PCDHGA2: variants seen among roughly 807,000 people sequenced by gnomAD.
PCDHGA2 encodes the protein protocadherin gamma-A2.
Under a neutral mutation model 59.2 loss-of-function variants are expected in PCDHGA2, and 40 were observed. The observed-to-expected ratio is 0.68, with a 90% CI of 0.52 to 0.88. PCDHGA2 has a LOEUF of 0.88. PCDHGA2 is among the 40% of genes least tolerant of loss of function. The probability of loss-of-function intolerance (pLI) is 0.00; values close to 1 mark genes in which losing one functional copy is unlikely to be tolerated. For synonymous variants in PCDHGA2, 560 were observed against 526.0 expected (o/e 1.06, Z -0.89); for missense variants, 1,226 against 1,204.0 (o/e 1.02, Z -0.27).
At position 141,476,097 on chromosome 5, in the gene PCDHGA2, A is replaced by G. The variant is rs1366023758; in HGVS notation, c.2425-18710A>G. 1 of 1,571,812 alleles carries G rather than the reference A, an allele frequency of 6.4e-7. No individual in the cohort carries two copies. Among genetic ancestry groups the G allele is most frequent in the African/African-American group, 1.4e-5 (1 of 73,826 alleles). ...CAGGGACGATCTGGACCCCGCTGAG[A>G]GGAACTGCTTTTGAGTGAGATGGTC... On this transcript the variant is annotated intron_variant, in intron 1 of 3. Coordinates refer to ENST00000394576, the MANE Select transcript of PCDHGA2 (RefSeq NM_018915.4). The surrounding 1 kb of genome is among the most constrained non-coding windows in gnomAD (Gnocchi z 7.6).
chr5:141,366,652 C>G lies in PCDHGA2; in HGVS notation c.2424+25257C>G, dbSNP rs559344872. The G allele has an allele frequency of 1.9e-6, 3 of 1,614,282 alleles. No individual in the cohort carries two copies. In the African/African-American group the frequency reaches 4.0e-5, roughly 22 times the overall value. ...GTCACCTGATCTTTCCCCAGCCCAA[C>G]TACGCAGACACGCTCCTTAGTGAAG... On this transcript the variant is annotated intron_variant, in intron 1 of 3. Transcript: ENST00000394576.
At chr5:141,388,405 C>A in intron 1 of PCDHGA2, 1 of 1,613,892 alleles carries the variant, frequency 6.2e-7, no homozygotes, top group Non-Finnish European at 8.5e-7. Context: ...CAACTCAGTC[C>A]CAGTGATCAT....
chr5:141,432,537 C>T lies in PCDHGA2; in HGVS notation c.2425-62270C>T, dbSNP rs367578838. Reference sequence around the variant, plus strand: ...GGCTACCTGGTGACCAAGGTGGTGGCGGTGGACAGAGACTCCGGCCAGAAC... The same window carrying T: ...GGCTACCTGGTGACCAAGGTGGTGGTGGTGGACAGAGACTCCGGCCAGAAC... On this transcript the variant is annotated intron_variant, in intron 1 of 3. Transcript: ENST00000394576. This position sits in a 1 kb window ranked among gnomAD's most constrained non-coding sequence, Gnocchi z 6.0. The T allele has an allele frequency of 5.6e-6, 9 of 1,613,882 alleles. No homozygotes were observed. The African/African-American group carries it at 6.7e-5, about 12-fold the overall frequency.
chr5:141,383,971 G>GAA, intron 1 of PCDHGA2: 1 of 1,613,662 alleles, frequency 6.2e-7, no homozygotes, highest in African/African-American at 1.3e-5. Context: ...CTCAATCCCT[G>GAA]AAGACACACC....
chr5:141,454,675 G>A (rs973403044), intron 1 of PCDHGA2, among the ~76,000 whole-genome samples: 8 of 151,764 alleles, frequency 5.3e-5, no homozygotes, highest in Non-Finnish European at 1.0e-4. Context: ...CAAAACACTG[G>A]GATTACAGGC....
At chr5:141,384,259 C>A in intron 1 of PCDHGA2, 1 of 1,613,886 alleles carries the variant, frequency 6.2e-7, no homozygotes, top group Non-Finnish European at 8.5e-7. Flanking sequence ...CACCTTCCCC[C>A]ACTCATCCTA....
At chr5:141,501,628 C>T (rs1217355708) in intron 2 of PCDHGA2, among the ~76,000 whole-genome samples, 1 of 152,112 alleles carries the variant, frequency 6.6e-6, no homozygotes, top group Non-Finnish European at 1.5e-5. Flanking sequence ...TATAGTCTCT[C>T]AACCTCTCTG....
intron 1 of PCDHGA2, among the ~76,000 whole-genome samples, chr5:141,459,949 G>T (rs1284876601): frequency 2.0e-5 from 3 of 152,124 alleles, no homozygotes; most frequent in Non-Finnish European, 4.4e-5. Context: ...GTGATGGCAG[G>T]TGCCTGTAAT....
rs1400825759 is a variant in PCDHGA2, at chr5:141,341,098, C to T, written c.2127C>T (p.Ile709=). ...AVSCVFLAFV[I]VLLAHRLRRW... is the part of the protein sequence containing the mutation. ...CCTGCGTCTTCCTGGCCTTCGTCAT[C>T]GTGTTGCTGGCGCACAGGCTGCGGC... Residue 709 remains isoleucine, a synonymous_variant, in exon 1 of 4, where the codon ATC becomes ATT. Coordinates refer to ENST00000394576, the MANE Select transcript of PCDHGA2 (RefSeq NM_018915.4). 3 of 1,614,256 alleles carry T rather than the reference C, an allele frequency of 1.9e-6. No homozygotes were observed. The highest frequency in any genetic ancestry group is 3.3e-5 in the Admixed American group (2 of 60,036).
At chr5:141,385,142 C>T (rs1420566063) in intron 1 of PCDHGA2, 2 of 1,614,210 alleles carry the variant, frequency 1.2e-6, no homozygotes, top group Non-Finnish European at 1.7e-6. Flanking sequence ...GGGGTGCAGG[C>T]TTTCCTGCAG....
chr5:141,392,881 T>C, intron 1 of PCDHGA2: 6 of 1,613,564 alleles, frequency 3.7e-6, no homozygotes, highest in Non-Finnish European at 5.1e-6. Context: ...CTGGGAACGC[T>C]GTGGGAAATC....
At chr5:141,480,927 C>T (rs1562083028) in intron 1 of PCDHGA2, among the ~76,000 whole-genome samples, 1 of 152,090 alleles carries the variant, frequency 6.6e-6, no homozygotes, top group Non-Finnish European at 1.5e-5. Context: ...TACCTGTAGT[C>T]CCAGCTACTC....
At chr5:141,471,492 G>A (rs912591449) in intron 1 of PCDHGA2, 1 of 152,176 alleles carries the variant, frequency 6.6e-6, no homozygotes, top group Non-Finnish European at 1.5e-5. Context: ...GGAATTTAGG[G>A]AATGCAAGAG....
chr5:141,419,700 C>T, intron 1 of PCDHGA2: 2 of 1,612,974 alleles, frequency 1.2e-6, no homozygotes, highest in Non-Finnish European at 1.7e-6. Context: ...GCCAGTGAGC[C>T]CGGGCTCTTC....
At position 141,477,210 on chromosome 5, in the gene PCDHGA2, C is replaced by A. The variant is rs780852225; in HGVS notation, c.2425-17597C>A. On this transcript the variant is annotated intron_variant, in intron 1 of 3. Transcript: ENST00000394576. This position sits in a 1 kb window ranked among gnomAD's most constrained non-coding sequence, Gnocchi z 4.9. ...GTGTACAGCCCAGTACCCGAGGATG[C>A]CCCTCTGGGGACTGTCATCGCTTTG... The A allele has an allele frequency of 6.2e-7, 1 of 1,614,142 alleles. No homozygotes were observed. The highest frequency in any genetic ancestry group is 8.5e-7 in the Non-Finnish European group (1 of 1,180,030).
chr5:141,345,460 C>T (rs1757577110), intron 1 of PCDHGA2: 1 of 1,614,172 alleles, frequency 6.2e-7, no homozygotes. Flanking sequence ...TCAGTGACAG[C>T]CCAGGACCCA....
chr5:141,398,781 A>G, intron 1 of PCDHGA2: 1 of 1,613,934 alleles, frequency 6.2e-7, no homozygotes, highest in South Asian at 1.1e-5. Flanking sequence ...TGGACGGTGG[A>G]CATCCACCCC....
At chr5:141,372,345 C>T in intron 1 of PCDHGA2, 1 of 1,613,816 alleles carries the variant, frequency 6.2e-7, no homozygotes, top group Non-Finnish European at 8.5e-7. Flanking sequence ...TGATGGAGGA[C>T]AGCAGCCTCT....
chr5:141,395,016 G>GTGCC (rs1354536790), intron 1 of PCDHGA2: 2 of 1,613,950 alleles, frequency 1.2e-6, no homozygotes, highest in Non-Finnish European at 1.7e-6. Flanking sequence ...ATTGGTAGGC[G>GTGCC]TGCCTGCCTC....
Sources: gnomAD v4.1 joint callset for allele counts (sites outside exome capture counted in the v4.1 genomes callset) on GRCh38, gnomAD v4.1.1 for gene constraint, Gnocchi (gnomAD v3.1) non-coding constraint, MANE v1.5 for transcripts, NCBI Gene and HGNC (gene_info 2026-07-23, HGNC 2026-07-21) for gene names.